Variants in GPR180 observed in about 807,000 individuals in gnomAD.
GPR180 encodes integral membrane protein GPR180.
In GPR180, 53 loss-of-function variants were observed where a neutral mutation model predicts 52.6. That is an observed-to-expected ratio of 1.01 (90% CI 0.81 to 1.27). GPR180 has a LOEUF of 1.27. Ranked by LOEUF, GPR180 falls within the 50% of genes most tolerant of loss-of-function variation. The pLI, the probability that GPR180 is intolerant of heterozygous loss-of-function variation, is 0.00. For missense variants in GPR180, 533 were observed against 527.0 expected (o/e 1.01, Z -0.11); for synonymous variants, 200 against 193.1 (o/e 1.04, Z -0.30).
chr13:94,626,900 T>A (rs1180788949), intron 8 of GPR180, 113 bp from the exon 9 acceptor site: 1 of 769,724 alleles, frequency 1.3e-6, no homozygotes, highest in Non-Finnish European at 1.9e-6. Flanking sequence ...ATGGTAAAGA[T>A]GAAAGATAGA....
rs1298854405 is a variant in GPR180 at position 94,633,942 on chromosome 13, A to G, written c.*6771A>G. 1.3e-5 allele frequency: 2 copies of G among 152,106 alleles called. No homozygotes were observed. Among genetic ancestry groups the G allele is most frequent in the Non-Finnish European group, 2.9e-5 (2 of 68,000 alleles). 9.4% of individuals were successfully genotyped at this position (152,106 alleles called of 1,614,324 possible). A position where few individuals can be genotyped will look rare whatever the true frequency, so the allele number is the denominator to read the frequency against. ...GACTTATTGCAATATCATGTGTTAT[A>G]TAATCCATCTTTACTGATTCGTTGC... On this transcript the variant is annotated 3_prime_UTR_variant, in exon 9 of 9. Transcript: ENST00000376958.
chr13:94,632,479 T>C lies in GPR180; in HGVS notation c.*5308T>C, dbSNP rs945569258. 2 of 152,238 alleles carry C rather than the reference T, an allele frequency of 1.3e-5. No homozygotes were observed. The allele number at this position is 152,238 out of a possible 1,614,324, so 9.4% of individuals were successfully genotyped here. A position where few individuals can be genotyped will look rare whatever the true frequency, so the allele number is the denominator to read the frequency against. ...TGTCCCATTTTTTTCACCAATTGCA[T>C]AGAACTCCATTATATGGATGTATTT... is the stretch of plus-strand genomic sequence containing the variant. On this transcript the variant is annotated 3_prime_UTR_variant, in exon 9 of 9. Transcript: ENST00000376958.
chr13:94,616,834 CAGACTTTTTTAA>C (rs1889784318), intron 3 of GPR180, among the ~76,000 whole-genome samples: 1 of 152,014 alleles, frequency 6.6e-6, no homozygotes, highest in Non-Finnish European at 1.5e-5. Flanking sequence ...AGGAAGAAAA[CAGACTTTTTTAA>C]AGAGATGATT....
chr13:94,603,260 G>A (rs755584070), intron 1 of GPR180, among the ~76,000 whole-genome samples: 1 of 152,178 alleles, frequency 6.6e-6, no homozygotes, highest in African/African-American at 2.4e-5. Context: ...CATACTTTGA[G>A]TATTGACAGC....
chr13:94,602,019 G>T lies in GPR180; in HGVS notation c.92G>T (p.Ser31Ile). The stretch of plus-strand genomic sequence containing the variant: ...AAGACCCTGCGGGGCAGCTTCAGCA[G>T]CACCGCGGCCCAGGACGCCCAGGGC... ...QGKTLRGSFS[S>I]TAAQDAQGQR... Residue 31 changes from serine to isoleucine, a missense_variant, in exon 1 of 9, where the codon AGC becomes ATC. Coordinates refer to ENST00000376958, the MANE Select transcript of GPR180 (RefSeq NM_180989.6). 6.8e-7 allele frequency: 1 copy of T among 1,468,120 alleles called. No homozygotes were observed. The allele number at this position is 1,468,120 out of a possible 1,614,324, so 90.9% of individuals were successfully genotyped here. A position where few individuals can be genotyped will look rare whatever the true frequency, so the allele number is the denominator to read the frequency against.
intron 2 of GPR180, among the ~76,000 whole-genome samples, chr13:94,606,960 G>A (rs1438267335): frequency 1.3e-5 from 2 of 152,184 alleles, no homozygotes; most frequent in Non-Finnish European, 1.5e-5. Context: ...GCTCATCTAA[G>A]TGTTGCACAT....
At chr13:94,613,509 C>T (rs1889739403) in intron 3 of GPR180, among the ~76,000 whole-genome samples, 1 of 152,126 alleles carries the variant, frequency 6.6e-6, no homozygotes, top group Non-Finnish European at 1.5e-5. Flanking sequence ...TTGTCTCAAA[C>T]TACTGGGTTC....
chr13:94,624,774 C>T (rs576879380), intron 7 of GPR180, among the ~76,000 whole-genome samples: 110 of 152,308 alleles, frequency 7.2e-4, no homozygotes, highest in Middle Eastern at 3.4e-3. Flanking sequence ...GACCTCCTGA[C>T]CTTGTGATAT....
intron 1 of GPR180, among the ~76,000 whole-genome samples, chr13:94,604,647 C>T (rs1889606767): frequency 6.6e-6 from 1 of 152,098 alleles, no homozygotes; most frequent in Non-Finnish European, 1.5e-5. Flanking sequence ...GTAATCAAAG[C>T]TGACTGCAGC....
At chr13:94,605,626 C>A in intron 2 of GPR180, 77 bp downstream of exon 2, 1 of 1,201,022 alleles carries the variant, frequency 8.3e-7, no homozygotes, top group Non-Finnish European at 1.2e-6. Context: ...ACCATATGTA[C>A]ATATGTTATG....
intron 3 of GPR180, among the ~76,000 whole-genome samples, chr13:94,618,418 GGA>G (rs1330763255): frequency 1.0e-4 from 8 of 77,198 alleles, no homozygotes; most frequent in African/African-American, 8.4e-4. Flanking sequence ...GATCAGCACA[GGA>G]TTTTTTTTTT....
chr13:94,610,361 T>C (rs1179265879), intron 2 of GPR180, among the ~76,000 whole-genome samples: 2 of 152,228 alleles, frequency 1.3e-5, no homozygotes, highest in Non-Finnish European at 2.9e-5. Flanking sequence ...TATTGACATG[T>C]TTTGGGTGCA....
intron 3 of GPR180, among the ~76,000 whole-genome samples, chr13:94,613,475 C>T (rs182772138): frequency 3.3e-5 from 5 of 152,148 alleles, no homozygotes; most frequent in Admixed American, 1.3e-4. Flanking sequence ...TTTTTAGAGA[C>T]GGGGTCTCGC....
At chr13:94,614,123 T>C (rs1393252703) in intron 3 of GPR180, among the ~76,000 whole-genome samples, 1 of 151,656 alleles carries the variant, frequency 6.6e-6, no homozygotes, top group Non-Finnish European at 1.5e-5. Flanking sequence ...CCTGCCTTGG[T>C]CTCCCAAAGT....
chr13:94,618,420 A>ATGTTTTTTTTTTTTTTTTTT (rs1708605808), intron 3 of GPR180, among the ~76,000 whole-genome samples: 1 of 87,156 alleles, frequency 1.1e-5, no homozygotes, highest in Non-Finnish European at 2.1e-5. Flanking sequence ...TCAGCACAGG[A>ATGTTTTTTTTTTTTTTTTTT]TTTTTTTTTT....
At chr13:94,616,706 C>A (rs1163357309) in intron 3 of GPR180, among the ~76,000 whole-genome samples, 2 of 152,100 alleles carry the variant, frequency 1.3e-5, no homozygotes, top group African/African-American at 4.8e-5. Flanking sequence ...TAGTATCCAC[C>A]TGTTTTAAAA....
At position 94,632,210 on chromosome 13, in the gene GPR180, T is replaced by C. The variant is rs1297643848; in HGVS notation, c.*5039T>C. The C allele has an allele frequency of 6.6e-6, 1 of 152,216 alleles. No homozygotes were observed. Among genetic ancestry groups the C allele is most frequent in the Non-Finnish European group, 1.5e-5 (1 of 68,036 alleles). The allele number at this position is 152,216 out of a possible 1,614,324, so 9.4% of individuals were successfully genotyped here. On this transcript the variant is annotated 3_prime_UTR_variant, in exon 9 of 9. Coordinates refer to ENST00000376958, the MANE Select transcript of GPR180 (RefSeq NM_180989.6). ...GCCTCAAAGAAGTATGCGAAAACCTTCTAATGTTTTCTTCTTGTTAAACAG... is the reference window on the plus strand; with the variant it reads ...GCCTCAAAGAAGTATGCGAAAACCTCCTAATGTTTTCTTCTTGTTAAACAG...
intron 2 of GPR180, among the ~76,000 whole-genome samples, chr13:94,609,735 C>T (rs1218099539): frequency 6.6e-6 from 1 of 150,934 alleles, no homozygotes; most frequent in African/African-American, 2.4e-5. Context: ...CTACATTTTT[C>T]CAGAAACTGT....
In GPR180 at chr13:94,625,993, C is replaced by G. The variant is rs1034225277; in HGVS notation, c.1114C>G (p.Pro372Ala). 9.9e-6 allele frequency: 16 copies of G among 1,611,392 alleles called. No individual in the cohort carries two copies. The highest frequency in any genetic ancestry group is 2.2e-5 in the East Asian group (1 of 44,636). Reference sequence around the variant, plus strand: ...CTGTATCTTGTGGTTTTTATGCCATCCAGTTCTTGCATGCATTTCTGTCAT... The same window carrying G: ...CTGTATCTTGTGGTTTTTATGCCATGCAGTTCTTGCATGCATTTCTGTCAT... Reference protein sequence around the residue: ...KGCILWFLCHPVLACISVIFS... With the variant: ...KGCILWFLCHAVLACISVIFS... The change falls in exon 8 of 9, where the codon CCA becomes GCA. Residue 372 changes from proline to alanine, a missense_variant. By Grantham distance (27) the Pro-to-Ala change is conservative (BLOSUM62 -1). Transcript: ENST00000376958.
Sources: gnomAD v4.1 joint callset for allele counts (sites outside exome capture counted in the v4.1 genomes callset) on GRCh38, gnomAD v4.1.1 for gene constraint, MANE v1.5 for transcripts, NCBI Gene and HGNC (gene_info 2026-07-23, HGNC 2026-07-21) for gene names.